The following ZNF584 variants were observed in gnomAD, a reference collection of about 807,000 sequenced individuals.
The protein encoded by ZNF584 is zinc finger protein 584.
In ZNF584, 12 loss-of-function variants were observed where a neutral mutation model predicts 14.7. The observed-to-expected ratio is 0.82, with a 90% confidence interval of 0.52 to 1.32. ZNF584 has a LOEUF of 1.32. Ranked by LOEUF, ZNF584 falls within the 40% of genes most tolerant of loss-of-function variation. The pLI, the probability that ZNF584 is intolerant of heterozygous loss-of-function variation, is 0.00. For missense variants in ZNF584, 478 were observed against 518.8 expected, an observed-to-expected ratio of 0.92 and a Z score of 0.76; for synonymous variants, 204 against 190.9, an observed-to-expected ratio of 1.07 and a Z score of -0.57.
rs142817025 is a variant in ZNF584, at chr19:58,408,855, C to T, written c.-293C>T. On this transcript the variant is annotated 5_prime_UTR_variant, in exon 1 of 4. Coordinates refer to ENST00000306910, the MANE Select transcript of ZNF584 (RefSeq NM_173548.3). ...GGTGACTTCCTCGCGATCCCCTGCGCGAGGTGAAGGGCAGGGACCTTTGCC... is the reference window on the plus strand; with the variant it reads ...GGTGACTTCCTCGCGATCCCCTGCGTGAGGTGAAGGGCAGGGACCTTTGCC... 2.6e-4 allele frequency: 91 copies of T among 355,718 alleles called. No individual in the cohort carries two copies. Among genetic ancestry groups the T allele is most frequent in the African/African-American group, 1.7e-3 (83 of 47,684 alleles). The allele number at this position is 355,718 out of a possible 1,614,324, so 22.0% of individuals were successfully genotyped here.
Position 58,418,064 on chromosome 19 carries a change from C to T in ZNF584, c.*280C>T, listed in dbSNP as rs1319964684. 2 of 447,004 alleles carry T rather than the reference C, an allele frequency of 4.5e-6. No homozygotes were observed. Among genetic ancestry groups the T allele is most frequent in the Non-Finnish European group, 4.0e-6 (1 of 247,584 alleles). The allele number at this position is 447,004 out of a possible 1,614,324, so 27.7% of individuals were successfully genotyped here. ...AAGTGGGACAGCAGACCTTGTGCTC[C>T]TTGCTCTAAACAGTAGAGAATCGTT... On this transcript the variant is annotated 3_prime_UTR_variant, in exon 4 of 4. Transcript: ENST00000306910.
chr19:58,408,212 G>A (rs757978443), upstream of ZNF584: 1 of 152,328 alleles, frequency 6.6e-6, no homozygotes, highest in African/African-American at 2.4e-5. Flanking sequence ...CGGTGCCAGG[G>A]AGAGAATTTC....
chr19:58,412,340 G>A (rs1439873494), intron 2 of ZNF584, among the ~76,000 whole-genome samples: 5 of 151,344 alleles, frequency 3.3e-5, no homozygotes, highest in Non-Finnish European at 5.9e-5. Context: ...CTCCCGAGTA[G>A]CTGGGACTAC....
intron 2 of ZNF584, 40 bp from the exon 3 acceptor site, chr19:58,415,484 C>T: frequency 4.4e-6 from 7 of 1,591,210 alleles, no homozygotes; most frequent in Non-Finnish European, 6.0e-6. Flanking sequence ...GCATCAGCCA[C>T]CATGCCCAGC....
chr19:58,417,148 A>C lies in ZNF584; in HGVS notation c.630A>C (p.Gly210=), dbSNP rs1188901240. 1 of 1,613,738 alleles carries C rather than the reference A, an allele frequency of 6.2e-7. No homozygotes were observed. Among genetic ancestry groups the C allele is most frequent in the African/African-American group, 1.3e-5 (1 of 74,932 alleles). ...AHINPRKIHT[G]ETAHVCNECG... ...TTAACCCCCGAAAAATTCACACTGG[A>C]GAAACAGCCCATGTGTGTAATGAAT... Residue 210 remains glycine (G), a synonymous_variant, in exon 4 of 4, where the codon GGA becomes GGC. Transcript: ENST00000306910.
intron 2 of ZNF584, among the ~76,000 whole-genome samples, chr19:58,410,684 T>TATAC (rs1491210497): frequency 1.9e-5 from 1 of 51,448 alleles, no homozygotes; most frequent in Non-Finnish European, 3.4e-5. Context: ...TGTATATATA[T>TATAC]GTATATATGT....
Position 58,416,831 on chromosome 19 carries a change from G to A in ZNF584, c.313G>A (p.Asp105Asn), listed in dbSNP as rs755485331. 1.3e-6 allele frequency: 2 copies of A among 1,560,080 alleles called. No individual in the cohort carries two copies. The highest frequency in any genetic ancestry group is 1.9e-5 in the Admixed American group (1 of 51,632). Reference protein sequence around the residue: ...FGLDGLCRVEDERAHPEHLKS... With the variant: ...FGLDGLCRVENERAHPEHLKS... ...TTCAGATGGTTTGTGTAGAGTGGAG[G>A]ATGAGAGAGCCCATCCTGAGCATCT... The change falls in exon 4 of 4, where the codon GAT becomes AAT. Residue 105 changes from aspartate (D) to asparagine (N), a missense_variant. Transcript: ENST00000306910.
At chr19:58,402,069 TG>T (rs111712971) in intron 1 of ZNF584, among the ~76,000 whole-genome samples, 36 of 151,172 alleles carry the variant, frequency 2.4e-4, no homozygotes, top group African/African-American at 7.8e-4. Flanking sequence ...AGACTCCGTT[TG>T]GGGGGGTAAA....
chr19:58,406,317 G>A (rs1345798272), upstream of ZNF584: 12 of 133,644 alleles, frequency 9.0e-5, no homozygotes, highest in South Asian at 2.7e-4. Flanking sequence ...GCTTCGGCTC[G>A]GCATCAGAGG....
At chr19:58,401,975 AG>A (rs2052434666) in intron 1 of ZNF584, among the ~76,000 whole-genome samples, 1 of 145,914 alleles carries the variant, frequency 6.9e-6, no homozygotes, top group Admixed American at 6.8e-5. Flanking sequence ...AGGCTGAGGC[AG>A]GAGAATCGCT....
chr19:58,417,273 A>G lies in ZNF584; in HGVS notation c.755A>G (p.Asn252Ser), dbSNP rs774976742. The G allele has an allele frequency of 1.2e-6, 2 of 1,614,142 alleles. No homozygotes were observed. Among genetic ancestry groups the G allele is most frequent in the Admixed American group, 1.7e-5 (1 of 60,022 alleles). Residue 252 changes from asparagine to serine, a missense_variant, in exon 4 of 4, where the codon AAC becomes AGC. By Grantham distance (46) the Asn-to-Ser change is conservative (BLOSUM62 1). Coordinates refer to ENST00000306910, the MANE Select transcript of ZNF584 (RefSeq NM_173548.3). ...TGTAGTGACTGTGGTAAAACCTTCA[A>G]CCGCAAAGACGCACTTGTTCTACAC... ...FKCSDCGKTF[N>S]RKDALVLHQR...
chr19:58,411,082 G>A (rs976377950), intron 2 of ZNF584, among the ~76,000 whole-genome samples: 2 of 151,598 alleles, frequency 1.3e-5, no homozygotes, highest in African/African-American at 4.8e-5. Flanking sequence ...GAGCCACTGC[G>A]CCTGGCCACA....
chr19:58,417,516 A>G lies in ZNF584; in HGVS notation c.998A>G (p.Lys333Arg). ...CCTTTTGAATGCAAGCAATGTGGGAAAGGCTACGTGACCCGTTCAGGCCTC... is the reference window on the plus strand; with the variant it reads ...CCTTTTGAATGCAAGCAATGTGGGAGAGGCTACGTGACCCGTTCAGGCCTC... Reference protein sequence around the residue: ...ERPFECKQCGKGYVTRSGLYQ... With the variant: ...ERPFECKQCGRGYVTRSGLYQ... The change falls in exon 4 of 4, where the codon AAA (lysine) becomes AGA (arginine). Residue 333 changes from lysine to arginine, a missense_variant. Physicochemically the swap from Lys to Arg is conservative, Grantham distance 26. This residue lies in a region of ZNF584 where 283 missense variants were observed against 317.3 expected (regional missense o/e 0.89). Transcript: ENST00000306910. 6.2e-7 allele frequency: 1 copy of G among 1,614,214 alleles called. No homozygotes were observed. The highest frequency in any genetic ancestry group is 8.5e-7 in the Non-Finnish European group (1 of 1,180,038).
chr19:58,410,021 C>T lies in ZNF584; in HGVS notation c.99C>T (p.Leu33=), dbSNP rs1283971135. ...TVYFSREEWG[L]LNVTQKGLYR... ...ATTTCTCCAGGGAGGAGTGGGGGCT[C>T]CTTAATGTGACCCAGAAGGGCCTAT... The change falls in exon 2 of 4, where the codon CTC becomes CTT. Residue 33 remains leucine (L), a synonymous_variant. Coordinates refer to ENST00000306910, the MANE Select transcript of ZNF584 (RefSeq NM_173548.3). The T allele has an allele frequency of 6.2e-7, 1 of 1,613,788 alleles. No homozygotes were observed. Among genetic ancestry groups the T allele is most frequent in the Non-Finnish European group, 8.5e-7 (1 of 1,179,982 alleles).
upstream of ZNF584, chr19:58,405,805 G>T (rs1158664531): frequency 1.8e-5 from 3 of 162,504 alleles, no homozygotes; most frequent in Non-Finnish European, 4.1e-5. Flanking sequence ...GGGAAGAGGC[G>T]CTCCTCACTT....
rs777326492 is a variant in ZNF584, at chr19:58,415,671, T to C, written c.292+25T>C. The C allele has an allele frequency of 3.7e-6, 6 of 1,610,448 alleles. No homozygotes were observed. The South Asian group carries it at 6.6e-5, about 18-fold the overall frequency. On this transcript the variant is annotated intron_variant, in intron 3 of 3. Coordinates refer to ENST00000306910, the MANE Select transcript of ZNF584 (RefSeq NM_173548.3). ...GGTAAGTGGAGTGGAGGGGAATACCTTGGTTTCAGCAGTGGGCTCACAGAA... is the reference window on the plus strand; with the variant it reads ...GGTAAGTGGAGTGGAGGGGAATACCCTGGTTTCAGCAGTGGGCTCACAGAA...
chr19:58,407,978 T>G (rs1044230825), upstream of ZNF584: 6 of 149,264 alleles, frequency 4.0e-5, no homozygotes, highest in African/African-American at 1.2e-4. Context: ...GACCTGTCCC[T>G]GGCATCCACA....
chr19:58,406,971 G>A (rs187161662), upstream of ZNF584: 814 of 152,640 alleles, frequency 5.3e-3, 5 homozygotes, highest in Non-Finnish European at 9.1e-3. Flanking sequence ...ACATGTTAAG[G>A]AGAGGCAAAC....
chr19:58,409,402 G>A (rs2052512689), intron 1 of ZNF584, among the ~76,000 whole-genome samples: 1 of 152,224 alleles, frequency 6.6e-6, no homozygotes, highest in African/African-American at 2.4e-5. Flanking sequence ...GCAGAACGGC[G>A]TGTGGAAGGC....
Sources: allele counts gnomAD v4.1 joint callset (sites outside exome capture counted in the v4.1 genomes callset), GRCh38; gene constraint gnomAD v4.1.1; regional missense constraint gnomAD v4.1.1; transcripts MANE v1.5; gene names NCBI Gene and HGNC (gene_info 2026-07-23, HGNC 2026-07-21).